TBX15: variants seen among roughly 807,000 people sequenced by gnomAD.
The protein encoded by TBX15 is T-box transcription factor TBX15.
A neutral mutation model predicts 53.9 loss-of-function variants in TBX15; 18 were observed. That is an observed-to-expected ratio of 0.33 (90% CI 0.23 to 0.49). TBX15 has a LOEUF of 0.49. Among genes scored for constraint, TBX15 ranks in the 20% least tolerant of loss-of-function variants. The probability of loss-of-function intolerance (pLI) is 0.98; values close to 1 mark genes in which losing one functional copy is unlikely to be tolerated. For missense variants in TBX15, 692 were observed against 749.5 expected, an observed-to-expected ratio of 0.92 and a Z score of 0.90; for synonymous variants, 295 against 278.0, an observed-to-expected ratio of 1.06 and a Z score of -0.61.
intron 5 of TBX15, among the ~76,000 whole-genome samples, chr1:118,918,341 T>A (rs1207781894): frequency 3.3e-5 from 5 of 152,154 alleles, no homozygotes; most frequent in African/African-American, 9.7e-5. Context: ...CATTGAATAT[T>A]TATTCAATGA....
At position 118,893,352 on chromosome 1, in the gene TBX15, GGAAGGAAAGAAAGAAAGAAA is replaced by G. The variant is rs1369300921; in HGVS notation, c.1024+5656_1024+5675del. On this transcript the variant is annotated intron_variant, in intron 7 of 7. Coordinates refer to ENST00000369429, the MANE Select transcript of TBX15 (RefSeq NM_001330677.2). ...AAGAAAGAAGGAAGGAAGGAAGGAA[GGAAGGAAAGAAAGAAAGAAA>G]GAAAGAAAGAAAGAAAGAAAGAAAG... Among the ~76,000 whole-genome samples, 149 of 63,200 alleles carry G rather than the reference GGAAGGAAAGAAAGAAAGAAA, an allele frequency of 2.4e-3. 4 individuals carry two copies. The highest frequency in any genetic ancestry group is 3.3e-3 in the South Asian group (6 of 1,836). The allele number at this position is 63,200 out of a possible 152,430, so 41.5% of individuals were successfully genotyped here.
intron 7 of TBX15, among the ~76,000 whole-genome samples, chr1:118,891,579 C>G (rs1188087530): frequency 6.6e-6 from 1 of 152,136 alleles, no homozygotes; most frequent in Non-Finnish European, 1.5e-5. Flanking sequence ...CATATTCCCC[C>G]CTACCACAGT....
At chr1:118,914,049 A>G (rs572818690) in intron 6 of TBX15, 66 bp downstream of exon 6, 109 of 1,548,116 alleles carry the variant, frequency 7.0e-5, no homozygotes, top group Non-Finnish European at 8.6e-5. Context: ...GCCATCAACC[A>G]TCAGCAGGAT....
At chr1:118,944,374 A>G (rs1481695810) in intron 1 of TBX15, among the ~76,000 whole-genome samples, 4 of 151,892 alleles carry the variant, frequency 2.6e-5, no homozygotes, top group African/African-American at 7.3e-5. Flanking sequence ...GTTATTCTTA[A>G]CTCCATTCCC....
At chr1:118,969,833 A>C (rs1657171539) in intron 1 of TBX15, among the ~76,000 whole-genome samples, 1 of 152,232 alleles carries the variant, frequency 6.6e-6, no homozygotes, top group African/African-American at 2.4e-5. Flanking sequence ...CCATGCTTGG[A>C]GCTCAAGGCA....
intron 7 of TBX15, among the ~76,000 whole-genome samples, chr1:118,897,191 G>T (rs1469399937): frequency 4.6e-5 from 7 of 152,152 alleles, no homozygotes; most frequent in African/African-American, 1.7e-4. Flanking sequence ...CCTGCCCAAT[G>T]GCGTCCCTCA....
intron 6 of TBX15, among the ~76,000 whole-genome samples, chr1:118,908,679 ACT>A (rs1427442640): frequency 6.6e-6 from 1 of 151,948 alleles, no homozygotes; most frequent in African/African-American, 2.4e-5. Context: ...CAGTGATTTC[ACT>A]CCAGAATAAA....
intron 6 of TBX15, among the ~76,000 whole-genome samples, chr1:118,910,575 G>A (rs1045402395): frequency 7.2e-5 from 11 of 152,160 alleles, no homozygotes; most frequent in Non-Finnish European, 1.5e-4. Flanking sequence ...CACCTGCAAG[G>A]TGGCATTAAT....
At chr1:118,970,279 C>G (rs1267511490) in intron 1 of TBX15, among the ~76,000 whole-genome samples, 1 of 152,198 alleles carries the variant, frequency 6.6e-6, no homozygotes, top group African/African-American at 2.4e-5. Flanking sequence ...CCACACCTGT[C>G]TCCACTTTGC....
At chr1:118,979,522 T>C (rs1657569375) in intron 1 of TBX15, among the ~76,000 whole-genome samples, 1 of 152,218 alleles carries the variant, frequency 6.6e-6, no homozygotes, top group Non-Finnish European at 1.5e-5. Flanking sequence ...CCTCGGAAAT[T>C]TGTTCTGCCT....
intron 1 of TBX15, among the ~76,000 whole-genome samples, chr1:118,936,355 A>T (rs898717335): frequency 6.6e-6 from 1 of 152,182 alleles, no homozygotes; most frequent in Non-Finnish European, 1.5e-5. Flanking sequence ...TTTTAAAAGC[A>T]TATTTTACAG....
chr1:118,987,449 C>T, intron 1 of TBX15, 142 bp downstream of exon 1: 1 of 1,063,120 alleles, frequency 9.4e-7, no homozygotes, highest in Non-Finnish European at 1.3e-6. Flanking sequence ...AGGCTCAGGG[C>T]ATTTGCGCGA....
At chr1:118,951,858 A>C (rs111922668) in intron 1 of TBX15, among the ~76,000 whole-genome samples, 2,107 of 152,284 alleles carry the variant, frequency 0.014, 56 homozygotes, top group African/African-American at 0.048. Context: ...ATCCCTGGGC[A>C]AGGGTGGGAG....
intron 7 of TBX15, among the ~76,000 whole-genome samples, chr1:118,891,217 C>G (rs1328879512): frequency 6.6e-6 from 1 of 152,192 alleles, no homozygotes; most frequent in East Asian, 1.9e-4. Flanking sequence ...CAGACCTAAA[C>G]TCCTTCTCTT....
chr1:118,896,968 C>T (rs187427884), intron 7 of TBX15, among the ~76,000 whole-genome samples: 1 of 152,256 alleles, frequency 6.6e-6, no homozygotes, highest in Non-Finnish European at 1.5e-5. Context: ...CTAACCCCAT[C>T]CCATCACCAT....
intron 1 of TBX15, among the ~76,000 whole-genome samples, chr1:118,968,820 A>C (rs1163250700): frequency 6.6e-6 from 1 of 152,128 alleles, no homozygotes; most frequent in Non-Finnish European, 1.5e-5. Flanking sequence ...AGGCACAGGG[A>C]GCTTCCCTGT....
At chr1:118,965,636 T>C (rs1424242877) in intron 1 of TBX15, among the ~76,000 whole-genome samples, 1 of 152,150 alleles carries the variant, frequency 6.6e-6, no homozygotes, top group African/African-American at 2.4e-5. Context: ...TGGAGTCTTA[T>C]TTAAAGAAGG....
At chr1:118,892,559 A>G (rs1654183394) in intron 7 of TBX15, among the ~76,000 whole-genome samples, 1 of 152,222 alleles carries the variant, frequency 6.6e-6, no homozygotes, top group Admixed American at 6.5e-5. Flanking sequence ...TAAAAGGAAG[A>G]ATATATAAAT....
At chr1:118,889,548 C>T (rs748766526) in intron 7 of TBX15, among the ~76,000 whole-genome samples, 23 of 152,254 alleles carry the variant, frequency 1.5e-4, no homozygotes, top group Non-Finnish European at 2.4e-4. Context: ...TGCCAGGTCC[C>T]GAGTGCTCTG....
Sources: allele counts gnomAD v4.1 joint callset (sites outside exome capture counted in the v4.1 genomes callset), GRCh38; gene constraint gnomAD v4.1.1; transcripts MANE v1.5; gene names NCBI Gene and HGNC (gene_info 2026-07-23, HGNC 2026-07-21).